Variants in CCNY observed in about 807,000 individuals in gnomAD.
CCNY encodes cyclin-Y.
A neutral mutation model predicts 42.8 loss-of-function variants in CCNY; 19 were observed. The observed-to-expected ratio is 0.44, with a 90% CI of 0.31 to 0.65. CCNY has a LOEUF of 0.65. Ranked by LOEUF, CCNY falls within the 30% of genes least tolerant of loss-of-function variation. The pLI, the probability that CCNY is intolerant of heterozygous loss-of-function variation, is 0.07. For missense variants in CCNY, 370 were observed against 437.3 expected, an observed-to-expected ratio of 0.85 and a Z score of 1.37; for synonymous variants, 165 against 162.7, an observed-to-expected ratio of 1.01 and a Z score of -0.11.
At chr10:35,417,891 A>G (rs140758267) in intron 1 of CCNY, among the ~76,000 whole-genome samples, 1 of 152,286 alleles carries the variant, frequency 6.6e-6, no homozygotes, top group East Asian at 1.9e-4. Flanking sequence ...CTCTCTAGCA[A>G]TCTGTTCTCT....
intron 2 of CCNY, among the ~76,000 whole-genome samples, chr10:35,489,716 T>G (rs116588121): frequency 4.9e-4 from 75 of 152,214 alleles, no homozygotes; most frequent in African/African-American, 1.7e-3. Flanking sequence ...GCCAAAATAA[T>G]TCCTAATAAT....
At chr10:35,252,423 A>G (rs953720777) in intron 3 of CCNY, among the ~76,000 whole-genome samples, 3 of 152,098 alleles carry the variant, frequency 2.0e-5, no homozygotes, top group East Asian at 1.9e-4. Context: ...AAAATTAGCC[A>G]GGCGTGGTGG....
At chr10:35,272,005 G>GT (rs1232159904) in intron 3 of CCNY, among the ~76,000 whole-genome samples, 2 of 152,116 alleles carry the variant, frequency 1.3e-5, no homozygotes, top group Non-Finnish European at 2.9e-5. Context: ...AAATCTCTCT[G>GT]TTTTTTTAGA....
chr10:35,307,185 G>A (rs562752588), intron 3 of CCNY, among the ~76,000 whole-genome samples: 42 of 152,302 alleles, frequency 2.8e-4, no homozygotes, highest in African/African-American at 9.6e-4. Context: ...AGGCTGTGGT[G>A]CGGGTTAAGC....
upstream of CCNY, chr10:35,336,436 G>A (rs1836027714): frequency 1.3e-5 from 2 of 151,900 alleles, no homozygotes; most frequent in South Asian, 2.1e-4. Context: ...CAGGGCAGAG[G>A]GAAGGGGCGG....
intron 2 of CCNY, among the ~76,000 whole-genome samples, chr10:35,497,726 C>CA (rs34502756): frequency 0.28 from 20,619 of 72,490 alleles, 2,634 homozygotes; most frequent in Middle Eastern, 0.38. Context: ...GACTCCGTCT[C>CA]AAAAAAAAAA....
At chr10:35,458,084 C>G (rs770592548) in intron 1 of CCNY, among the ~76,000 whole-genome samples, 1 of 152,172 alleles carries the variant, frequency 6.6e-6, no homozygotes, top group African/African-American at 2.4e-5. Context: ...GAAGCAGTAC[C>G]TTCCTCCCTG....
intron 1 of CCNY, among the ~76,000 whole-genome samples, chr10:35,468,362 A>G (rs939186291): frequency 3.9e-5 from 6 of 152,198 alleles, no homozygotes; most frequent in East Asian, 1.9e-4. Context: ...GGGGGACACA[A>G]ATATTCAGTC....
intron 1 of CCNY, among the ~76,000 whole-genome samples, chr10:35,443,222 A>T (rs1203505661): frequency 6.6e-6 from 1 of 152,240 alleles, no homozygotes; most frequent in Non-Finnish European, 1.5e-5. Context: ...GTGTACACCT[A>T]GGCCACACTA....
chr10:35,356,430 C>A (rs1423180055), intron 1 of CCNY, among the ~76,000 whole-genome samples: 1 of 152,202 alleles, frequency 6.6e-6, no homozygotes, highest in Non-Finnish European at 1.5e-5. Flanking sequence ...TGGTAAACAG[C>A]TCTGTTCCCA....
chr10:35,441,480 T>C (rs1838666792), intron 1 of CCNY, among the ~76,000 whole-genome samples: 1 of 152,154 alleles, frequency 6.6e-6, no homozygotes, highest in Non-Finnish European at 1.5e-5. Context: ...GAAAAAGCGG[T>C]AGGAGGCTGG....
chr10:35,263,657 T>A (rs545762186), intron 3 of CCNY, among the ~76,000 whole-genome samples: 12 of 152,282 alleles, frequency 7.9e-5, no homozygotes, highest in South Asian at 2.1e-4. Context: ...CTTTCTTTTT[T>A]AAATTATTTA....
rs118107917 is a variant in CCNY, at chr10:35,504,730, G to A, written c.264+3195G>A. 1.3e-3 allele frequency among the ~76,000 whole-genome samples: 191 copies of A among 152,096 alleles called. 1 individual carries two copies. The East Asian group carries it at 0.026, about 21-fold the overall frequency. On this transcript the variant is annotated intron_variant, in intron 3 of 9. Transcript: ENST00000374704. ...TGGCTCACTGCAACCTCCCCAACCC[G>A]GGTTCAAACTATTCACCTGCCTCAG...
chr10:35,309,863 A>G (rs900849977), intron 3 of CCNY, among the ~76,000 whole-genome samples: 2 of 151,886 alleles, frequency 1.3e-5, no homozygotes, highest in African/African-American at 2.4e-5. Flanking sequence ...GCAGTGGTGC[A>G]ATCTCCACTC....
chr10:35,425,445 A>G (rs2135269857), intron 1 of CCNY, among the ~76,000 whole-genome samples: 1 of 152,324 alleles, frequency 6.6e-6, no homozygotes, highest in South Asian at 2.1e-4. Flanking sequence ...ACATGTTTGC[A>G]AAGGTAGGGA....
chr10:35,341,249 C>G (rs936169061), intron 1 of CCNY, among the ~76,000 whole-genome samples: 2 of 152,260 alleles, frequency 1.3e-5, no homozygotes, highest in Middle Eastern at 3.4e-3. Context: ...AACTTCCACC[C>G]CGTTCTCTCC....
intron 3 of CCNY, among the ~76,000 whole-genome samples, chr10:35,506,758 T>G (rs1415961902): frequency 6.6e-6 from 1 of 152,230 alleles, no homozygotes; most frequent in Non-Finnish European, 1.5e-5. Flanking sequence ...GAGCTGTTGT[T>G]ATGATTTAGC....
intron 2 of CCNY, among the ~76,000 whole-genome samples, chr10:35,488,268 A>G (rs187271077): frequency 4.6e-5 from 7 of 152,208 alleles, no homozygotes; most frequent in African/African-American, 1.2e-4. Context: ...AAATTGAAAA[A>G]ATATTCTGTG....
chr10:35,471,458 T>C (rs1839390228), intron 1 of CCNY, among the ~76,000 whole-genome samples: 1 of 152,180 alleles, frequency 6.6e-6, no homozygotes. Flanking sequence ...GAAGGTAAAC[T>C]TGGTGCTGGT....
Sources: allele counts gnomAD v4.1 joint callset (sites outside exome capture counted in the v4.1 genomes callset), GRCh38; gene constraint gnomAD v4.1.1; transcripts MANE v1.5; gene names NCBI Gene and HGNC (gene_info 2026-07-23, HGNC 2026-07-21).